The following CCN4 variants were observed in gnomAD, a reference collection of about 807,000 sequenced individuals.
The protein encoded by CCN4 is CCN family member 4.
CCN4 carries 30 observed loss-of-function variants against 36.7 expected under a neutral mutation model. That is an observed-to-expected ratio of 0.82 (90% CI 0.61 to 1.11). The LOEUF is 1.11. Among genes scored for constraint, CCN4 ranks in the 50% least tolerant of loss-of-function variants. The pLI is 0.00. For missense variants in CCN4, 505 were observed against 504.9 expected (o/e 1.00, Z 0.00); for synonymous variants, 191 against 195.4 (o/e 0.98, Z 0.19).
chr8:133,203,268 C>T lies in CCN4; in HGVS notation c.70-9596C>T, dbSNP rs145447010. 7.6e-3 allele frequency among the ~76,000 whole-genome samples: 1,158 copies of T among 152,356 alleles called. 23 individuals are homozygous for T. Among genetic ancestry groups the T allele is most frequent in the African/African-American group, 0.026 (1,081 of 41,598 alleles). ...CTCCTCTTCTGGGGGCCCTTGGCAA[C>T]CTGGGCTCAATTCCATTGCTATCTT... On this transcript the variant is annotated intron_variant, in intron 1 of 4. Coordinates refer to ENST00000250160, the MANE Select transcript of CCN4 (RefSeq NM_003882.4).
chr8:133,230,233 G>C lies in CCN4; in HGVS notation c.*2523G>C, dbSNP rs1854906566. Reference sequence around the variant, plus strand: ...CTCAGACCCATGGGTTGAAGCCATGGAGAAGGAAATTTGGATCCAATGTAA... The same window carrying C: ...CTCAGACCCATGGGTTGAAGCCATGCAGAAGGAAATTTGGATCCAATGTAA... On this transcript the variant is annotated 3_prime_UTR_variant, in exon 5 of 5. Transcript: ENST00000250160. 6.6e-6 allele frequency: 1 copy of C among 152,244 alleles called. No homozygotes were observed. The highest frequency in any genetic ancestry group is 6.5e-5 in the Admixed American group (1 of 15,286). The allele number at this position is 152,244 out of a possible 1,614,324, so 9.4% of individuals were successfully genotyped here.
At chr8:133,197,398 T>G (rs1007814907) in intron 1 of CCN4, among the ~76,000 whole-genome samples, 1 of 152,154 alleles carries the variant, frequency 6.6e-6, no homozygotes, top group East Asian at 1.9e-4. Flanking sequence ...AAACATGTTC[T>G]GGAACCCTGA....
rs1854792186 is a variant in CCN4, at chr8:133,227,631, G to A, written c.1025G>A (p.Cys342Tyr). ...RQVLWINACF[C>Y]NLSCRNPNDI... ...GTCCTATGGATTAATGCCTGCTTCTGTAACCTGAGCTGTAGGAATCCCAAT... is the reference window on the plus strand; with the variant it reads ...GTCCTATGGATTAATGCCTGCTTCTATAACCTGAGCTGTAGGAATCCCAAT... Residue 342 changes from cysteine (C) to tyrosine (Y), a missense_variant, in exon 5 of 5, where the codon TGT (cysteine) becomes TAT (tyrosine). Coordinates refer to ENST00000250160, the MANE Select transcript of CCN4 (RefSeq NM_003882.4). 6.2e-7 allele frequency: 1 copy of A among 1,614,104 alleles called. No homozygotes were observed. The highest frequency in any genetic ancestry group is 1.1e-5 in the South Asian group (1 of 91,090).
chr8:133,230,511 C>T lies in CCN4; in HGVS notation c.*2801C>T, dbSNP rs929488595. ...CTCAAACAGCAGCTTATTCTACCAG[C>T]CCCTGCTCTTGCGGAGGCCTCTGGA... On this transcript the variant is annotated 3_prime_UTR_variant, in exon 5 of 5. Coordinates refer to ENST00000250160, the MANE Select transcript of CCN4 (RefSeq NM_003882.4). 2 of 152,224 alleles carry T rather than the reference C, an allele frequency of 1.3e-5. No individual in the cohort carries two copies. The highest frequency in any genetic ancestry group is 2.9e-5 in the Non-Finnish European group (2 of 68,042). The allele number at this position is 152,224 out of a possible 1,614,324, so 9.4% of individuals were successfully genotyped here. A position where few individuals can be genotyped will look rare whatever the true frequency, so the allele number is the denominator to read the frequency against.
At chr8:133,225,240 T>C in intron 3 of CCN4, 150 bp from the exon 4 acceptor site, 2 of 708,774 alleles carry the variant, frequency 2.8e-6, no homozygotes, top group South Asian at 2.4e-5. Context: ...CCTTTGCTGG[T>C]TAGAAGCCAA....
At chr8:133,214,268 GCTC>G (rs1473713459) in intron 2 of CCN4, among the ~76,000 whole-genome samples, 4 of 260 alleles carry the variant, frequency 0.015, no homozygotes, top group East Asian at 0.071. Flanking sequence ...TGATGATTTA[GCTC>G]CTCAATAACC....
rs59929763 is a variant in CCN4, at chr8:133,224,229, C to CTTTTTTTTTTTTTTTTT, written c.611-1148_611-1132dup. Among the ~76,000 whole-genome samples, 32 of 88,494 alleles carry CTTTTTTTTTTTTTTTTT rather than the reference C, an allele frequency of 3.6e-4. 16 individuals are homozygous for CTTTTTTTTTTTTTTTTT. Among genetic ancestry groups the CTTTTTTTTTTTTTTTTT allele is most frequent in the Non-Finnish European group, 2.5e-4 (12 of 47,424 alleles). The allele number at this position is 88,494 out of a possible 152,430, so 58.1% of individuals were successfully genotyped here. Reference sequence around the variant, plus strand: ...GATTTGAATTTGAAGCCCGTAAGTCCTTTTTTTTTTTTTTTTTTTTTTTTT... The same window carrying CTTTTTTTTTTTTTTTTT: ...GATTTGAATTTGAAGCCCGTAAGTCCTTTTTTTTTTTTTTTTTTTTTTTTTTTTTTTTTTTTTTTTTT... On this transcript the variant is annotated intron_variant, in intron 3 of 4. Transcript: ENST00000250160.
chr8:133,204,896 T>G (rs928833821), intron 1 of CCN4, among the ~76,000 whole-genome samples: 1 of 152,228 alleles, frequency 6.6e-6, no homozygotes, highest in East Asian at 1.9e-4. Context: ...CCAGTGATTC[T>G]GAAACTTTGG....
intron 1 of CCN4, among the ~76,000 whole-genome samples, chr8:133,200,614 G>C (rs2130540889): frequency 6.6e-6 from 1 of 152,320 alleles, no homozygotes; most frequent in South Asian, 2.1e-4. Flanking sequence ...GAGGAGGATA[G>C]GACCTGGAGT....
intron 1 of CCN4, among the ~76,000 whole-genome samples, chr8:133,196,417 T>C (rs1341787530): frequency 3.3e-5 from 5 of 152,244 alleles, no homozygotes; most frequent in African/African-American, 9.6e-5. Context: ...ATTTTGAATA[T>C]ACTGGGTTAA....
rs1854944138 is a variant in CCN4 at position 133,231,077 on chromosome 8, A to G, written c.*3367A>G. 1 of 152,214 alleles carries G rather than the reference A, an allele frequency of 6.6e-6. No individual in the cohort carries two copies. The highest frequency in any genetic ancestry group is 6.5e-5 in the Admixed American group (1 of 15,280). The allele number at this position is 152,214 out of a possible 1,614,324, so 9.4% of individuals were successfully genotyped here. ...AGGCGCTTTACTGACAATAGCTGCA[A>G]TTTTAACTTTGAAAATGATTCAGAA... On this transcript the variant is annotated 3_prime_UTR_variant, in exon 5 of 5. Coordinates refer to ENST00000250160, the MANE Select transcript of CCN4 (RefSeq NM_003882.4).
chr8:133,227,267 C>T (rs771592351), intron 4 of CCN4, 144 bp from the exon 5 acceptor site: 15 of 757,774 alleles, frequency 2.0e-5, no homozygotes, highest in Non-Finnish European at 2.9e-5. Flanking sequence ...GCTGTTGTCC[C>T]TCCTTGCTTG....
rs1854878031 is a variant in CCN4 at position 133,229,546 on chromosome 8, T to G, written c.*1836T>G. 1 of 152,348 alleles carries G rather than the reference T, an allele frequency of 6.6e-6. No individual in the cohort carries two copies. Among genetic ancestry groups the G allele is most frequent in the South Asian group, 2.1e-4 (1 of 4,828 alleles). The allele number at this position is 152,348 out of a possible 1,614,324, so 9.4% of individuals were successfully genotyped here. A position where few individuals can be genotyped will look rare whatever the true frequency, so the allele number is the denominator to read the frequency against. ...CCAATGCTGCATATTGAATGTTGTGTAGTTATTCACAGGGAATTCTGTGCA... is the reference window on the plus strand; with the variant it reads ...CCAATGCTGCATATTGAATGTTGTGGAGTTATTCACAGGGAATTCTGTGCA... On this transcript the variant is annotated 3_prime_UTR_variant, in exon 5 of 5. Transcript: ENST00000250160.
chr8:133,209,846 C>T (rs950995309), intron 1 of CCN4, among the ~76,000 whole-genome samples: 1 of 152,186 alleles, frequency 6.6e-6, no homozygotes, highest in Non-Finnish European at 1.5e-5. Context: ...CCACAATGCC[C>T]CTTCACCCTT....
intron 1 of CCN4, among the ~76,000 whole-genome samples, chr8:133,195,669 G>A (rs1438332045): frequency 6.6e-6 from 1 of 152,174 alleles, no homozygotes; most frequent in Non-Finnish European, 1.5e-5. Context: ...ATTTGGAGAA[G>A]GAGTGGGCAC....
At chr8:133,203,101 C>G (rs1418677425) in intron 1 of CCN4, among the ~76,000 whole-genome samples, 1 of 152,202 alleles carries the variant, frequency 6.6e-6, no homozygotes, top group African/African-American at 2.4e-5. Flanking sequence ...TAGGTGCGGC[C>G]TCCGAAACAG....
intron 1 of CCN4, among the ~76,000 whole-genome samples, chr8:133,210,345 G>A (rs555497286): frequency 7.4e-4 from 112 of 151,954 alleles, no homozygotes; most frequent in African/African-American, 1.8e-3. Flanking sequence ...CTAGAATCAT[G>A]GCCTAACAAG....
At chr8:133,212,525 T>C (rs751936789) in intron 1 of CCN4, among the ~76,000 whole-genome samples, 23 of 151,868 alleles carry the variant, frequency 1.5e-4, no homozygotes, top group Non-Finnish European at 2.6e-4. Context: ...GGGCCTCGGC[T>C]TTCTCCCTGT....
rs140354707 is a variant in CCN4 at position 133,203,241 on chromosome 8, C to T, written c.70-9623C>T. Among the ~76,000 whole-genome samples, 462 of 152,346 alleles carry T rather than the reference C, an allele frequency of 3.0e-3. 3 individuals carry two copies. The highest frequency in any genetic ancestry group is 0.011 in the African/African-American group (452 of 41,602). ...CCTGAGAATCCCCACAAGGGCTCCT[C>T]ACTCCTCTTCTGGGGGCCCTTGGCA... On this transcript the variant is annotated intron_variant, in intron 1 of 4. Coordinates refer to ENST00000250160, the MANE Select transcript of CCN4 (RefSeq NM_003882.4).
Sources: gnomAD v4.1 joint callset for allele counts (sites outside exome capture counted in the v4.1 genomes callset) on GRCh38, gnomAD v4.1.1 for gene constraint, MANE v1.5 for transcripts, NCBI Gene and HGNC (gene_info 2026-07-23, HGNC 2026-07-21) for gene names.